Variants in ZRANB3 observed in about 807,000 individuals in gnomAD.
The protein encoded by ZRANB3 is zinc finger RANBP2-type containing 3, also known as DNA annealing helicase and endonuclease ZRANB3.
A neutral mutation model predicts 133.8 loss-of-function variants in ZRANB3; 125 were observed. The ratio of observed to expected loss-of-function variants is 0.93; its 90% confidence interval spans 0.81 to 1.08. The LOEUF (loss-of-function observed/expected upper bound fraction) is 1.08, where lower values mean the gene tolerates loss of function less well. ZRANB3 is among the 50% of genes least tolerant of loss of function. The pLI, the probability that ZRANB3 is intolerant of heterozygous loss-of-function variation, is 0.00. For missense variants in ZRANB3, 1,229 were observed against 1,275.5 expected, an observed-to-expected ratio of 0.96 and a Z score of 0.56; for synonymous variants, 387 against 432.7, an observed-to-expected ratio of 0.89 and a Z score of 1.31.
At chr2:135,457,721 A>G (rs1690590117) in intron 2 of ZRANB3, among the ~76,000 whole-genome samples, 1 of 151,772 alleles carries the variant, frequency 6.6e-6, no homozygotes, top group African/African-American at 2.4e-5. Flanking sequence ...TTTACACTTT[A>G]TTGATGATGC....
At chr2:135,288,256 G>A (rs61340129) in intron 8 of ZRANB3, among the ~76,000 whole-genome samples, 17,066 of 152,032 alleles carry the variant, frequency 0.11, 1,202 homozygotes, top group South Asian at 0.32. Context: ...TGTGTGTTAA[G>A]CTATCCCAGC....
At chr2:135,251,940 C>A (rs1411939056) in intron 12 of ZRANB3, among the ~76,000 whole-genome samples, 2 of 152,120 alleles carry the variant, frequency 1.3e-5, no homozygotes, top group African/African-American at 4.8e-5. Flanking sequence ...GAGGCTGAGG[C>A]AGGAGAATTG....
At chr2:135,400,190 A>C (rs904285576) in intron 2 of ZRANB3, among the ~76,000 whole-genome samples, 1 of 152,110 alleles carries the variant, frequency 6.6e-6, no homozygotes, top group Non-Finnish European at 1.5e-5. Flanking sequence ...CCGTGAGCCA[A>C]GATTGCACCA....
At chr2:135,491,649 G>C (rs1692381516) in intron 2 of ZRANB3, among the ~76,000 whole-genome samples, 1 of 152,092 alleles carries the variant, frequency 6.6e-6, no homozygotes. Flanking sequence ...AGGTAGCTGG[G>C]ATTACAGGTG....
At chr2:135,376,236 C>T (rs1326802398) in intron 3 of ZRANB3, among the ~76,000 whole-genome samples, 1 of 152,214 alleles carries the variant, frequency 6.6e-6, no homozygotes, top group Non-Finnish European at 1.5e-5. Context: ...TTTCAGACTT[C>T]TAGCCTCGAG....
At chr2:135,461,062 A>G (rs1445472700) in intron 2 of ZRANB3, among the ~76,000 whole-genome samples, 1 of 152,230 alleles carries the variant, frequency 6.6e-6, no homozygotes, top group Admixed American at 6.5e-5. Flanking sequence ...CTATCACTGC[A>G]TAAAGTTCTA....
chr2:135,328,167 C>A (rs1485658127), intron 6 of ZRANB3, among the ~76,000 whole-genome samples: 1 of 151,980 alleles, frequency 6.6e-6, no homozygotes, highest in Non-Finnish European at 1.5e-5. Flanking sequence ...CTGCACCCAT[C>A]AACTCGTCAT....
At chr2:135,271,684 T>C in intron 10 of ZRANB3, 84 bp downstream of exon 10, 3 of 1,465,892 alleles carry the variant, frequency 2.0e-6, no homozygotes, top group Non-Finnish European at 1.8e-6. Flanking sequence ...AAGTTACAAG[T>C]TTATAAACCA....
intron 12 of ZRANB3, among the ~76,000 whole-genome samples, chr2:135,236,354 C>T (rs1006430161): frequency 7.2e-5 from 11 of 151,994 alleles, no homozygotes; most frequent in South Asian, 4.2e-4. Flanking sequence ...ATGAAAATGG[C>T]GATACTGCCC....
In ZRANB3 at chr2:135,227,952, T is replaced by C. The variant is rs1694823507; in HGVS notation, c.2018A>G (p.Asp673Gly). ...GATAGTTTGAACCTTTTTGGAGGTG[T>C]CTTTCTGAGAATCATCCTTCTCGTT... ...DKNEKDDSQK[D>G]TSKKVQTISD... The change falls in exon 14 of 21, where the codon GAC becomes GGC. Residue 673 changes from aspartate (D) to glycine (G), a missense_variant. Physicochemically the swap from Asp to Gly is moderately conservative, Grantham distance 94 (BLOSUM62 -1). Coordinates refer to ENST00000264159, the MANE Select transcript of ZRANB3 (RefSeq NM_032143.4). The C allele has an allele frequency of 1.3e-6, 2 of 1,552,692 alleles. No individual in the cohort carries two copies. The highest frequency in any genetic ancestry group is 1.7e-6 in the Non-Finnish European group (2 of 1,147,266).
chr2:135,443,033 G>A (rs949350961), intron 2 of ZRANB3, among the ~76,000 whole-genome samples: 2 of 151,676 alleles, frequency 1.3e-5, no homozygotes, highest in East Asian at 1.9e-4. Context: ...AAAGAATGGC[G>A]TGAATCTGGG....
At chr2:135,418,721 G>A (rs72984502) in intron 2 of ZRANB3, among the ~76,000 whole-genome samples, 8,506 of 152,006 alleles carry the variant, frequency 0.056, 465 homozygotes, top group African/African-American at 0.14. Context: ...GGTGGGCAGA[G>A]GAGGAGGTAC....
At chr2:135,247,469 C>T (rs1695848785) in intron 12 of ZRANB3, among the ~76,000 whole-genome samples, 1 of 151,170 alleles carries the variant, frequency 6.6e-6, no homozygotes, top group Non-Finnish European at 1.5e-5. Context: ...AGAGAGAAAA[C>T]AAAACAAAAC....
At chr2:135,388,088 A>G (rs1327838977) in intron 3 of ZRANB3, among the ~76,000 whole-genome samples, 2 of 152,236 alleles carry the variant, frequency 1.3e-5, no homozygotes, top group East Asian at 3.8e-4. Context: ...GGGAGGCTCC[A>G]CAATCATGGT....
At chr2:135,391,421 G>C (rs760555467) in intron 2 of ZRANB3, among the ~76,000 whole-genome samples, 1 of 152,066 alleles carries the variant, frequency 6.6e-6, no homozygotes, top group African/African-American at 2.4e-5. Context: ...TTGTACCAAT[G>C]ACCACCCTCC....
At chr2:135,279,427 A>G (rs16831513) in intron 8 of ZRANB3, among the ~76,000 whole-genome samples, 4,858 of 152,288 alleles carry the variant, frequency 0.032, 251 homozygotes, top group African/African-American at 0.11. Context: ...ATAAGGAGCT[A>G]TAAATTCTGG....
At chr2:135,336,751 T>C in intron 6 of ZRANB3, among the ~76,000 whole-genome samples, 1 of 152,190 alleles carries the variant, frequency 6.6e-6, no homozygotes, top group East Asian at 1.9e-4. Flanking sequence ...TCTGTTGTCA[T>C]ATGACAAGTT....
At chr2:135,470,995 G>T (rs550675686) in intron 2 of ZRANB3, among the ~76,000 whole-genome samples, 2 of 151,280 alleles carry the variant, frequency 1.3e-5, no homozygotes, top group African/African-American at 2.4e-5. Context: ...TAGAGACGGG[G>T]TTTCACCGTG....
At position 135,231,837 on chromosome 2, in the gene ZRANB3, A is replaced by G. The variant is rs60978825; in HGVS notation, c.1540-910T>C. ...GGGGATGGAGCCAAGATGGCCGAATAGGAACAGCTCCAGTCTACAGCTTCC... is the reference window on the plus strand; with the variant it reads ...GGGGATGGAGCCAAGATGGCCGAATGGGAACAGCTCCAGTCTACAGCTTCC... On this transcript the variant is annotated intron_variant, in intron 12 of 20. Coordinates refer to ENST00000264159, the MANE Select transcript of ZRANB3 (RefSeq NM_032143.4). 3.0e-3 allele frequency among the ~76,000 whole-genome samples: 452 copies of G among 152,138 alleles called. 2 individuals carry two copies. The highest frequency in any genetic ancestry group is 0.01 in the African/African-American group (428 of 41,536).
Sources: allele counts gnomAD v4.1 joint callset (sites outside exome capture counted in the v4.1 genomes callset), GRCh38; gene constraint gnomAD v4.1.1; transcripts MANE v1.5; gene names NCBI Gene and HGNC (gene_info 2026-07-23, HGNC 2026-07-21).